Variants in SPIN1 observed in about 807,000 individuals in gnomAD.
SPIN1 encodes spindlin 1.
In SPIN1, 3 loss-of-function variants were observed where a neutral mutation model predicts 26.0. That is an observed-to-expected ratio of 0.12 (90% CI 0.05 to 0.30). The LOEUF is 0.30. SPIN1 is among the 10% of genes least tolerant of loss of function. The probability of loss-of-function intolerance (pLI) is 1.00; values close to 1 mark genes in which losing one functional copy is unlikely to be tolerated. For missense variants in SPIN1, 126 were observed against 333.4 expected, an observed-to-expected ratio of 0.38 and a Z score of 4.84; for synonymous variants, 101 against 116.5, an observed-to-expected ratio of 0.87 and a Z score of 0.86.
intron 2 of SPIN1, among the ~76,000 whole-genome samples, chr9:88,431,972 T>C (rs1827881630): frequency 6.6e-6 from 1 of 152,150 alleles, no homozygotes; most frequent in Non-Finnish European, 1.5e-5. Context: ...AGCTCAGGTG[T>C]TGCTGCTGTG....
intron 1 of SPIN1, among the ~76,000 whole-genome samples, chr9:88,405,916 A>G (rs141639127): frequency 6.5e-4 from 98 of 151,538 alleles, no homozygotes; most frequent in African/African-American, 2.3e-3. Context: ...GCTCACTGCA[A>G]CCTCTGCCTC....
chr9:88,417,541 C>T (rs1266405742), intron 1 of SPIN1, among the ~76,000 whole-genome samples: 1 of 151,438 alleles, frequency 6.6e-6, no homozygotes, highest in South Asian at 2.1e-4. Context: ...GGTGTGATCT[C>T]GGCCCACTGC....
chr9:88,435,304 C>G (rs974376946), intron 2 of SPIN1, among the ~76,000 whole-genome samples: 1 of 151,788 alleles, frequency 6.6e-6, no homozygotes, highest in Non-Finnish European at 1.5e-5. Flanking sequence ...CAGCCTCGAC[C>G]TCCTGGACTC....
At chr9:88,434,330 C>CAAATTATAAAATAGTTTATTTTAT (rs1372636284) in intron 2 of SPIN1, among the ~76,000 whole-genome samples, 5,181 of 143,480 alleles carry the variant, frequency 0.036, 309 homozygotes, top group African/African-American at 0.1. Context: ...AATTATTTTA[C>CAAATTATAAAATAGTTTATTTTAT]AAATTATAAA....
chr9:88,465,628 T>C (rs2118203773), intron 4 of SPIN1, among the ~76,000 whole-genome samples: 1 of 152,346 alleles, frequency 6.6e-6, no homozygotes, highest in Admixed American at 6.5e-5. Flanking sequence ...CCTTTGACCA[T>C]TTTTTAATTA....
intron 1 of SPIN1, among the ~76,000 whole-genome samples, chr9:88,400,994 CAG>C (rs559970892): frequency 1.2e-3 from 182 of 152,284 alleles, no homozygotes; most frequent in African/African-American, 4.2e-3. Flanking sequence ...GCCTGGGCAA[CAG>C]AGTGAGATTC....
At chr9:88,464,584 C>A (rs1198104330) in intron 4 of SPIN1, among the ~76,000 whole-genome samples, 1 of 152,184 alleles carries the variant, frequency 6.6e-6, no homozygotes, top group Non-Finnish European at 1.5e-5. Context: ...GTAATTCGCG[C>A]TTTTCACTCT....
chr9:88,418,924 G>T (rs952641256), intron 1 of SPIN1: 1 of 152,132 alleles, frequency 6.6e-6, no homozygotes, highest in Non-Finnish European at 1.5e-5. Context: ...GACACATAGC[G>T]AGTGCTCAGT....
chr9:88,471,641 C>T (rs12115370), intron 5 of SPIN1, among the ~76,000 whole-genome samples: 6,346 of 108,632 alleles, frequency 0.058, 556 homozygotes, highest in African/African-American at 0.21. Context: ...GGCAACAGAG[C>T]GAGACTCTGT....
chr9:88,415,070 A>G (rs1258757758), intron 1 of SPIN1, among the ~76,000 whole-genome samples: 1 of 151,708 alleles, frequency 6.6e-6, no homozygotes, highest in African/African-American at 2.4e-5. Flanking sequence ...CGCCTGGCTA[A>G]TTTTTTTGTA....
chr9:88,474,281 C>G (rs908260349), intron 5 of SPIN1, among the ~76,000 whole-genome samples: 2 of 152,086 alleles, frequency 1.3e-5, no homozygotes, highest in East Asian at 3.8e-4. Context: ...TAGCAAACCC[C>G]CTCTCTTTTT....
chr9:88,468,367 C>A lies in SPIN1; in HGVS notation c.356-5C>A. 2 of 1,527,532 alleles carry A rather than the reference C, an allele frequency of 1.3e-6. No homozygotes were observed. The highest frequency in any genetic ancestry group is 1.8e-6 in the Non-Finnish European group (2 of 1,138,206). 94.6% of individuals were successfully genotyped at this position (1,527,532 alleles called of 1,614,324 possible). A position where few individuals can be genotyped will look rare whatever the true frequency, so the allele number is the denominator to read the frequency against. ...CAACTTTTTTTTTTTTTTTTTAATCCCCAGCGACATCTCGAATCAGCGATG... is the reference window on the plus strand; with the variant it reads ...CAACTTTTTTTTTTTTTTTTTAATCACCAGCGACATCTCGAATCAGCGATG... On this transcript the variant is annotated splice_polypyrimidine_tract_variant and splice_region_variant and intron_variant, in intron 4 of 5. Transcript: ENST00000375859.
At chr9:88,410,193 CTTT>C (rs112040783) in intron 1 of SPIN1, among the ~76,000 whole-genome samples, 11 of 132,396 alleles carry the variant, frequency 8.3e-5, no homozygotes, top group African/African-American at 3.0e-4. Flanking sequence ...GTGTGTGCAA[CTTT>C]TTTTTTTTTT....
chr9:88,445,780 C>A (rs1828239210), intron 2 of SPIN1, among the ~76,000 whole-genome samples: 1 of 151,784 alleles, frequency 6.6e-6, no homozygotes, highest in Admixed American at 6.6e-5. Flanking sequence ...CTCAAATCAT[C>A]CACCAGCCTT....
chr9:88,406,038 T>C (rs78745579), intron 1 of SPIN1, among the ~76,000 whole-genome samples: 4 of 148,416 alleles, frequency 2.7e-5, no homozygotes, highest in Non-Finnish European at 4.4e-5. Flanking sequence ...TGTGTGTGTG[T>C]GTGTACGTGT....
chr9:88,434,677 C>T (rs1037994503), intron 2 of SPIN1, among the ~76,000 whole-genome samples: 1 of 152,110 alleles, frequency 6.6e-6, no homozygotes, highest in African/African-American at 2.4e-5. Context: ...ATGAATAGTA[C>T]TCCATTGTGT....
rs550861445 is a variant in SPIN1, at chr9:88,396,161, C to T, written c.-159+7623C>T. Among the ~76,000 whole-genome samples, 25 of 151,696 alleles carry T rather than the reference C, an allele frequency of 1.6e-4. 1 individual carries two copies. Among genetic ancestry groups the T allele is most frequent in the Middle Eastern group, 3.4e-3 (1 of 292 alleles). On this transcript the variant is annotated intron_variant, in intron 1 of 5. Transcript: ENST00000375859. ...CTACTCCTCATGAGAGTCACTTGAA[C>T]TTGGGAGGTGGAGGTTGCAGTGAGC...
chr9:88,407,237 A>G (rs1471859726), intron 1 of SPIN1, among the ~76,000 whole-genome samples: 3 of 151,478 alleles, frequency 2.0e-5, no homozygotes, highest in Non-Finnish European at 4.4e-5. Flanking sequence ...TCCCAGTTCA[A>G]GCCATTCTCC....
intron 1 of SPIN1, among the ~76,000 whole-genome samples, chr9:88,399,333 T>G (rs1448507190): frequency 6.6e-6 from 1 of 152,062 alleles, no homozygotes; most frequent in African/African-American, 2.4e-5. Flanking sequence ...TGCCCAGCCG[T>G]TAAGCGGTTT....
Sources: allele counts gnomAD v4.1 joint callset (sites outside exome capture counted in the v4.1 genomes callset), GRCh38; gene constraint gnomAD v4.1.1; transcripts MANE v1.5; gene names NCBI Gene and HGNC (gene_info 2026-07-23, HGNC 2026-07-21).